The following MAP3K10 variants were observed in gnomAD, a reference collection of about 807,000 sequenced individuals.
MAP3K10 encodes mitogen-activated protein kinase kinase kinase 10.
MAP3K10 carries 22 observed loss-of-function variants against 75.0 expected under a neutral mutation model. The observed-to-expected ratio is 0.29, with a 90% CI of 0.21 to 0.42. MAP3K10 has a LOEUF of 0.42. Among genes scored for constraint, MAP3K10 ranks in the 10% least tolerant of loss-of-function variants. The pLI is 1.00. For missense variants in MAP3K10, 1,165 were observed against 1,379.8 expected (o/e 0.84, Z 2.47); for synonymous variants, 599 against 612.9 (o/e 0.98, Z 0.34).
chr19:40,212,958 G>C lies in MAP3K10; in HGVS notation c.1706G>C (p.Arg569Pro). The change falls in exon 7 of 10, where the codon CGG becomes CCG. Residue 569 changes from arginine (R) to proline (P), a missense_variant. By Grantham distance (103) the Arg-to-Pro change is moderately radical. Around this residue, in one of 2 missense-constraint regions of MAP3K10, gnomAD observed 590 missense variants for 586.6 expected, o/e 1.01. Coordinates refer to ENST00000253055, the MANE Select transcript of MAP3K10 (RefSeq NM_002446.4). The surrounding 1 kb of genome is among the most constrained non-coding windows in gnomAD (Gnocchi z 4.2). Reference protein sequence around the residue: ...WGPSSTLQKERVGGEERLKGL... With the variant: ...WGPSSTLQKEPVGGEERLKGL... ...CCCAGCTCCACCCTGCAGAAGGAGC[G>C]GGTGGGAGGAGAGGAGAGGTGAGGT... is the stretch of plus-strand genomic sequence containing the variant. 6.2e-7 allele frequency: 1 copy of C among 1,607,714 alleles called. No homozygotes were observed. The highest frequency in any genetic ancestry group is 8.5e-7 in the Non-Finnish European group (1 of 1,176,724).
At position 40,209,167 on chromosome 19, in the gene MAP3K10, G is replaced by T. The variant is rs138312258; in HGVS notation, c.1500G>T (p.Gly500=). 145 of 1,614,056 alleles carry T rather than the reference G, an allele frequency of 9.0e-5. No homozygotes were observed. The highest frequency in any genetic ancestry group is 1.2e-4 in the Non-Finnish European group (142 of 1,180,028). Residue 500 remains glycine, a synonymous_variant, in exon 6 of 10, where the codon GGG becomes GGT. Coordinates refer to ENST00000253055, the MANE Select transcript of MAP3K10 (RefSeq NM_002446.4). ...PTLDKRKGSD[G]ASPPASPSII... Reference sequence around the variant, plus strand: ...TGGATAAGCGGAAAGGATCCGATGGGGCCAGCCCCCCTGCAAGCCCCAGCA... The same window carrying T: ...TGGATAAGCGGAAAGGATCCGATGGTGCCAGCCCCCCTGCAAGCCCCAGCA...
chr19:40,206,318 A>G, intron 5 of MAP3K10, 161 bp downstream of exon 5: 2 of 819,112 alleles, frequency 2.4e-6, no homozygotes, highest in Admixed American at 3.8e-5. Flanking sequence ...TTGTAGTCCC[A>G]GCCTACTCAG....
Position 40,195,471 on chromosome 19 carries a change from C to CTTTTTTTTTT in MAP3K10, c.682+2786_682+2795dup, listed in dbSNP as rs61289931. Reference sequence around the variant, plus strand: ...GAGGTAACACTGAAGCCCGCCCGGCCTTTTTTTTTTTTTTTTTTTTTTTTT... The same window carrying CTTTTTTTTTT: ...GAGGTAACACTGAAGCCCGCCCGGCCTTTTTTTTTTTTTTTTTTTTTTTTTTTTTTTTTTT... On this transcript the variant is annotated intron_variant, in intron 1 of 9. Transcript: ENST00000253055. Among the ~76,000 whole-genome samples the CTTTTTTTTTT allele has an allele frequency of 9.7e-4, 47 of 48,658 alleles. 16 individuals carry two copies. Among genetic ancestry groups the CTTTTTTTTTT allele is most frequent in the East Asian group, 2.0e-3 (3 of 1,474 alleles). The allele number at this position is 48,658 out of a possible 152,430, so 31.9% of individuals were successfully genotyped here.
intron 1 of MAP3K10, among the ~76,000 whole-genome samples, chr19:40,197,768 C>T (rs1972935618): frequency 6.6e-6 from 1 of 152,164 alleles, no homozygotes; most frequent in Non-Finnish European, 1.5e-5. Context: ...CCTTCTGCCC[C>T]AGGTTTGCAC....
At position 40,205,357 on chromosome 19, in the gene MAP3K10, G is replaced by T. The variant is rs1041606420; in HGVS notation, c.1188+61G>T. ...AGACCCCTGAGTTCTGATGCCTTGGGCTGCTCAGAGACTCCTCCCCTGAAC... is the reference window on the plus strand; with the variant it reads ...AGACCCCTGAGTTCTGATGCCTTGGTCTGCTCAGAGACTCCTCCCCTGAAC... On this transcript the variant is annotated intron_variant, in intron 4 of 9. Transcript: ENST00000253055. The surrounding 1 kb of genome is among the most constrained non-coding windows in gnomAD (Gnocchi z 4.3). 3.2e-6 allele frequency: 5 copies of T among 1,565,114 alleles called. No individual in the cohort carries two copies. The highest frequency in any genetic ancestry group is 4.4e-6 in the Non-Finnish European group (5 of 1,142,338).
At position 40,215,220 on chromosome 19, in the gene MAP3K10, G is replaced by A. The variant is rs1270666248; in HGVS notation, c.2793G>A (p.Leu931=). ...GGCCCCCCAGCGTGCAGCCCACACT[G>A]CTGGACATGGACATGGAGGGGCAGA... The part of the protein sequence containing the change: ...SPGPPSVQPT[L]LDMDMEGQNQ... The change falls in exon 10 of 10, where the codon CTG becomes CTA. Residue 931 remains leucine (L), a synonymous_variant. Coordinates refer to ENST00000253055, the MANE Select transcript of MAP3K10 (RefSeq NM_002446.4). 6.4e-7 allele frequency: 1 copy of A among 1,568,990 alleles called. No individual in the cohort carries two copies. The highest frequency in any genetic ancestry group is 8.6e-7 in the Non-Finnish European group (1 of 1,157,874).
At position 40,192,104 on chromosome 19, in the gene MAP3K10, T is replaced by C; in HGVS notation, c.73T>C (p.Phe25Leu). The change falls in exon 1 of 10, where the codon TTC becomes CTC. Residue 25 changes from phenylalanine to leucine, a missense_variant. Physicochemically the swap from Phe to Leu is conservative, Grantham distance 22 (BLOSUM62 0). Transcript: ENST00000253055. This position sits in a 1 kb window ranked among gnomAD's most constrained non-coding sequence, Gnocchi z 7.1. ...TPAGPVWTAV[F>L]DYEAAGDEEL... ...CGCGGGGCCCGTCTGGACCGCGGTG[T>C]TCGACTACGAGGCGGCGGGCGACGA... 1 of 1,557,032 alleles carries C rather than the reference T, an allele frequency of 6.4e-7. No homozygotes were observed. The highest frequency in any genetic ancestry group is 8.7e-7 in the Non-Finnish European group (1 of 1,154,678).
Position 40,214,002 on chromosome 19 carries a change from T to TCCCCCCCCCCCCCCCCCCCCCCCCCCC in MAP3K10, c.2327_2328insCCCCCCCCCCCCCCCCCCCCCCCCCCC (p.Pro778_Ser779insProProProProProProProProPro). On this transcript the variant is annotated inframe_insertion, in exon 9 of 10. Coordinates refer to ENST00000253055, the MANE Select transcript of MAP3K10 (RefSeq NM_002446.4). ...TGACGAGGCCGCACCGGCCGCGCCC[T>TCCCCCCCCCCCCCCCCCCCCCCCCCCC]CCCCACCACCCTCCCCGCCCGCGCC... 5 of 1,493,652 alleles carry TCCCCCCCCCCCCCCCCCCCCCCCCCCC rather than the reference T, an allele frequency of 3.3e-6. No individual in the cohort carries two copies. The highest frequency in any genetic ancestry group is 2.9e-5 in the African/African-American group (2 of 67,948). 92.5% of individuals were successfully genotyped at this position (1,493,652 alleles called of 1,614,324 possible). A position where few individuals can be genotyped will look rare whatever the true frequency, so the allele number is the denominator to read the frequency against.
At chr19:40,208,570 G>A (rs1973178423) in intron 5 of MAP3K10, among the ~76,000 whole-genome samples, 2 of 150,782 alleles carry the variant, frequency 1.3e-5, no homozygotes, top group South Asian at 4.2e-4. Flanking sequence ...GGGCATGGTG[G>A]CTCACACCTG....
intron 2 of MAP3K10, among the ~76,000 whole-genome samples, chr19:40,201,794 CTTTTTTTTT>C (rs757199734): frequency 8.1e-6 from 1 of 123,414 alleles, no homozygotes; most frequent in Admixed American, 8.5e-5. Flanking sequence ...CACACGCCAG[CTTTTTTTTT>C]TTTTTTTTTT....
At position 40,192,697 on chromosome 19, in the gene MAP3K10, C is replaced by T; in HGVS notation, c.666C>T (p.Asp222=). 1 of 1,541,110 alleles carries T rather than the reference C, an allele frequency of 6.5e-7. No individual in the cohort carries two copies. ...NDAPVPIIHR[D]LKSINILILE... ...CCCCTGTGCCCATCATCCACCGGGA[C>T]CTCAAGTCCATCAACAGTAAGTGGT... The change falls in exon 1 of 10, where the codon GAC becomes GAT. Residue 222 remains aspartate (D), a synonymous_variant. Coordinates refer to ENST00000253055, the MANE Select transcript of MAP3K10 (RefSeq NM_002446.4). The surrounding 1 kb of genome is among the most constrained non-coding windows in gnomAD (Gnocchi z 7.1).
At chr19:40,195,407 A>G (rs1340724466) in intron 1 of MAP3K10, among the ~76,000 whole-genome samples, 1 of 140,344 alleles carries the variant, frequency 7.1e-6, no homozygotes, top group Non-Finnish European at 1.5e-5. Flanking sequence ...GCAGAGGTGG[A>G]GTTACAGACT....
Position 40,191,933 on chromosome 19 carries a change from C to A in MAP3K10, c.-99C>A. ...TGGCCCTCAGGAGCTCCCTAGACCC[C>A]GCAGGGACTGCCCTCCATCCCGGCC... On this transcript the variant is annotated 5_prime_UTR_variant, in exon 1 of 10. Transcript: ENST00000253055. 3 of 783,404 alleles carry A rather than the reference C, an allele frequency of 3.8e-6. No homozygotes were observed. Among genetic ancestry groups the A allele is most frequent in the South Asian group, 4.2e-5 (2 of 47,356 alleles). 48.5% of individuals were successfully genotyped at this position (783,404 alleles called of 1,614,324 possible).
At position 40,204,504 on chromosome 19, in the gene MAP3K10, G is replaced by C; in HGVS notation, c.883G>C (p.Glu295Gln). Residue 295 changes from glutamate to glutamine, a missense_variant, in exon 3 of 10, where the codon GAG (glutamate) becomes CAG (glutamine). This residue lies in a region of MAP3K10 where 575 missense variants were observed against 793.2 expected (regional missense o/e 0.72). Transcript: ENST00000253055. This position sits in a 1 kb window ranked among gnomAD's most constrained non-coding sequence, Gnocchi z 4.3. ...CTGCAGCTTCGGGGTGCTGCTGTGGGAGCTGCTGACGGGGGAGGTCCCCTA... is the reference window on the plus strand; with the variant it reads ...CTGCAGCTTCGGGGTGCTGCTGTGGCAGCTGCTGACGGGGGAGGTCCCCTA... The part of the protein sequence containing the change: ...DVWSFGVLLW[E>Q]LLTGEVPYRE... 1 of 1,613,666 alleles carries C rather than the reference G, an allele frequency of 6.2e-7. No individual in the cohort carries two copies. The highest frequency in any genetic ancestry group is 1.3e-5 in the African/African-American group (1 of 75,046).
At position 40,204,527 on chromosome 19, in the gene MAP3K10, C is replaced by G. The variant is rs113247074; in HGVS notation, c.906C>G (p.Pro302=). 8.1e-6 allele frequency: 13 copies of G among 1,613,844 alleles called. No homozygotes were observed. The African/African-American group carries it at 1.1e-4, about 13-fold the overall frequency. ...GGGAGCTGCTGACGGGGGAGGTCCC[C>G]TACCGTGAGATCGACGCCTTGGCCG... ...LLWELLTGEV[P]YREIDALAVA... Residue 302 remains proline (P), a synonymous_variant, in exon 3 of 10, where the codon CCC becomes CCG. Coordinates refer to ENST00000253055, the MANE Select transcript of MAP3K10 (RefSeq NM_002446.4). The surrounding 1 kb of genome is among the most constrained non-coding windows in gnomAD (Gnocchi z 4.3).
intron 2 of MAP3K10, among the ~76,000 whole-genome samples, chr19:40,202,621 T>C (rs1973047277): frequency 6.6e-6 from 1 of 152,110 alleles, no homozygotes; most frequent in African/African-American, 2.4e-5. Flanking sequence ...TAATATAAAA[T>C]TAACCCACTA....
chr19:40,194,413 G>A (rs1972870335), intron 1 of MAP3K10, among the ~76,000 whole-genome samples: 1 of 151,824 alleles, frequency 6.6e-6, no homozygotes, highest in African/African-American at 2.4e-5. Context: ...CTGTGTCTGG[G>A]GAACTGATGC....
chr19:40,196,196 A>G (rs1223991659), intron 1 of MAP3K10, among the ~76,000 whole-genome samples: 1 of 152,224 alleles, frequency 6.6e-6, no homozygotes, highest in Non-Finnish European at 1.5e-5. Flanking sequence ...AGCACACTGT[A>G]TACTTTGGAG....
At chr19:40,194,392 C>A (rs560830860) in intron 1 of MAP3K10, among the ~76,000 whole-genome samples, 1 of 152,076 alleles carries the variant, frequency 6.6e-6, no homozygotes, top group Non-Finnish European at 1.5e-5. Flanking sequence ...CACGATGTGC[C>A]AGAGCTGGTG....
Sources: gnomAD v4.1 joint callset for allele counts (sites outside exome capture counted in the v4.1 genomes callset) on GRCh38, gnomAD v4.1.1 for gene constraint, gnomAD v4.1.1 regional missense constraint, Gnocchi (gnomAD v3.1) non-coding constraint, MANE v1.5 for transcripts, NCBI Gene and HGNC (gene_info 2026-07-23, HGNC 2026-07-21) for gene names.